The following POM121 variants were observed in gnomAD, a reference collection of about 807,000 sequenced individuals.
POM121 encodes the protein POM121 transmembrane nucleoporin, also known as nuclear envelope pore membrane protein POM 121.
POM121 carries 32 observed loss-of-function variants against 81.3 expected under a neutral mutation model. That is an observed-to-expected ratio of 0.39 (90% CI 0.30 to 0.53). The LOEUF is 0.53. Among genes scored for constraint, POM121 ranks in the 20% least tolerant of loss-of-function variants. The pLI is 0.66. For synonymous variants in POM121, 514 were observed against 694.2 expected, an observed-to-expected ratio of 0.74 and a Z score of 4.08; for missense variants, 1,138 against 1,614.6, an observed-to-expected ratio of 0.70 and a Z score of 5.06.
intron 11 of POM121, among the ~76,000 whole-genome samples, chr7:72,944,093 C>A (rs237932): frequency 1.3e-5 from 2 of 152,186 alleles, no homozygotes; most frequent in African/African-American, 2.4e-5. Context: ...AGTGGACATG[C>A]CTTTCAGGCC....
intron 3 of POM121, among the ~76,000 whole-genome samples, chr7:72,911,149 C>G (rs139552122): frequency 1.3e-3 from 193 of 152,220 alleles, no homozygotes; most frequent in Non-Finnish European, 1.6e-3. Flanking sequence ...ACGCCCAGCT[C>G]ATGTTTGTAT....
In POM121 at chr7:72,925,620, C is replaced by A. The variant is rs1303021848; in HGVS notation, c.499C>A (p.Pro167Thr). 2.3e-6 allele frequency: 3 copies of A among 1,326,874 alleles called. No individual in the cohort carries two copies. In the South Asian group the frequency reaches 6.4e-5, roughly 28 times the overall value. 82.2% of individuals were successfully genotyped at this position (1,326,874 alleles called of 1,614,324 possible). The change falls in exon 1 of 13, where the codon CCT becomes ACT. Residue 167 changes from proline (P) to threonine (T), a missense_variant. Physicochemically the swap from Pro to Thr is conservative, Grantham distance 38 (BLOSUM62 -1). Around this residue, in one of 7 missense-constraint regions of POM121, gnomAD observed 646 missense variants for 633.5 expected, o/e 1.02. Coordinates refer to ENST00000434423, the MANE Select transcript of POM121 (RefSeq NM_001387691.1). ...DLRDRPGRRPPARPAPRSPPP... is the reference protein window; with the variant it reads ...DLRDRPGRRPTARPAPRSPPP... ...GCGGGATAGGCCTGGCCGCCGCCCA[C>A]CTGCCCGCCCGGCGCCGCGCTCCCC...
intron 1 of POM121, among the ~76,000 whole-genome samples, chr7:72,887,719 C>T (rs769764244): frequency 1.3e-5 from 2 of 152,058 alleles, no homozygotes; most frequent in African/African-American, 4.8e-5. Flanking sequence ...CCCAGCTACT[C>T]GGGAGGCTGA....
downstream of POM121, chr7:72,948,774 C>T (rs782755392): frequency 9.5e-6 from 15 of 1,582,700 alleles, no homozygotes; most frequent in East Asian, 3.1e-4. Context: ...GTGCTCAGGC[C>T]TCGGTGGGGC....
At chr7:72,904,777 T>C (rs1163212373) in intron 3 of POM121, among the ~76,000 whole-genome samples, 3 of 152,182 alleles carry the variant, frequency 2.0e-5, no homozygotes, top group Non-Finnish European at 2.9e-5. Flanking sequence ...GTTTAATTGA[T>C]TCACAGTTCC....
rs1797688680 is a variant in POM121 at position 72,946,322 on chromosome 7, G to A, written c.*88G>A. The A allele has an allele frequency of 3.3e-6, 5 of 1,526,636 alleles. No individual in the cohort carries two copies. In the South Asian group the frequency reaches 5.0e-5, roughly 15 times the overall value. The allele number at this position is 1,526,636 out of a possible 1,614,324, so 94.6% of individuals were successfully genotyped here. ...GGAAGAGCCTTGGACCCTTCCAGTT[G>A]CGTAAAGCAAACCTACCCCGGATCT... On this transcript the variant is annotated 3_prime_UTR_variant, in exon 13 of 13. Coordinates refer to ENST00000434423, the MANE Select transcript of POM121 (RefSeq NM_001387691.1).
rs1468764356 is a variant in POM121, at chr7:72,948,137, T to C, written c.*1903T>C. 4.8e-5 allele frequency: 68 copies of C among 1,411,604 alleles called. No homozygotes were observed. The highest frequency in any genetic ancestry group is 4.7e-4 in the South Asian group (30 of 63,756). The allele number at this position is 1,411,604 out of a possible 1,614,324, so 87.4% of individuals were successfully genotyped here. On this transcript the variant is annotated 3_prime_UTR_variant, in exon 13 of 13. Coordinates refer to ENST00000434423, the MANE Select transcript of POM121 (RefSeq NM_001387691.1). Reference sequence around the variant, plus strand: ...TCCGGGAACCCTGAGTGAGAATGAGTGTGGATGTGTACAGTACACGCACTG... The same window carrying C: ...TCCGGGAACCCTGAGTGAGAATGAGCGTGGATGTGTACAGTACACGCACTG...
Position 72,926,792 on chromosome 7 carries a change from T to C in POM121, c.861-10T>C, listed in dbSNP as rs782442506. ...ATATCTTACAGCTAGAATCTTGTCTTTCATTGTAGACCAGAGCAGATAATC... is the reference window on the plus strand; with the variant it reads ...ATATCTTACAGCTAGAATCTTGTCTCTCATTGTAGACCAGAGCAGATAATC... On this transcript the variant is annotated splice_polypyrimidine_tract_variant and intron_variant, in intron 2 of 12. Transcript: ENST00000434423. 4.0e-5 allele frequency: 65 copies of C among 1,611,712 alleles called. No homozygotes were observed. The highest frequency in any genetic ancestry group is 5.0e-5 in the Non-Finnish European group (59 of 1,178,912).
At chr7:72,903,238 C>A (rs1342987928) in intron 3 of POM121, among the ~76,000 whole-genome samples, 1 of 152,140 alleles carries the variant, frequency 6.6e-6, no homozygotes, top group Non-Finnish European at 1.5e-5. Context: ...GAGTTCAAGA[C>A]CAGTCTGGCC....
intron 1 of POM121, among the ~76,000 whole-genome samples, chr7:72,880,530 A>G (rs1182437634): frequency 1.3e-5 from 2 of 151,968 alleles, no homozygotes; most frequent in Non-Finnish European, 2.9e-5. Context: ...CATTCATTTC[A>G]TTTCTGAGAG....
chr7:72,917,064 A>G (rs1554495195), intron 4 of POM121, among the ~76,000 whole-genome samples: 1 of 152,192 alleles, frequency 6.6e-6, no homozygotes, highest in African/African-American at 2.4e-5. Flanking sequence ...CATTTAGATG[A>G]TACTTCTCAT....
chr7:72,924,719 T>G, upstream of POM121: 4 of 179,588 alleles, frequency 2.2e-5, no homozygotes, highest in Non-Finnish European at 3.4e-5. Flanking sequence ...ACGTTTTCAA[T>G]TTGTAACATA....
chr7:72,918,060 T>C (rs1373326065), intron 4 of POM121, among the ~76,000 whole-genome samples: 1 of 152,202 alleles, frequency 6.6e-6, no homozygotes, highest in Non-Finnish European at 1.5e-5. Flanking sequence ...ACTAATTTAC[T>C]ACTGCTATCT....
In POM121 at chr7:72,925,380, C is replaced by A. The variant is rs1237934103; in HGVS notation, c.259C>A (p.Arg87Ser). The change falls in exon 1 of 13, where the codon CGT becomes AGT. Residue 87 changes from arginine to serine, a missense_variant. By Grantham distance (110) the Arg-to-Ser change is moderately radical. This residue lies in a region of POM121 where 646 missense variants were observed against 633.5 expected (regional missense o/e 1.02). Coordinates refer to ENST00000434423, the MANE Select transcript of POM121 (RefSeq NM_001387691.1). ...CTTGTCCTCCTTCGTTCGGAAGGCGCGTCATCGGCGCCCCTTGTCCTCCTT... is the reference window on the plus strand; with the variant it reads ...CTTGTCCTCCTTCGTTCGGAAGGCGAGTCATCGGCGCCCCTTGTCCTCCTT... ...RPLSSFVRKA[R>S]HRRPLSSFVR... 6.6e-7 allele frequency: 1 copy of A among 1,522,920 alleles called. No homozygotes were observed. The highest frequency in any genetic ancestry group is 1.4e-5 in the African/African-American group (1 of 72,762). 94.3% of individuals were successfully genotyped at this position (1,522,920 alleles called of 1,614,324 possible).
intron 4 of POM121, among the ~76,000 whole-genome samples, chr7:72,915,210 C>T (rs1239566284): frequency 6.6e-6 from 1 of 152,168 alleles, no homozygotes; most frequent in Non-Finnish European, 1.5e-5. Context: ...TGAGCTTCGG[C>T]TGCCCTCTAG....
chr7:72,911,107 C>T (rs112618075), intron 3 of POM121, among the ~76,000 whole-genome samples: 24 of 152,330 alleles, frequency 1.6e-4, no homozygotes, highest in African/African-American at 5.5e-4. Flanking sequence ...CCTCAGCCTC[C>T]CTAGTAGCTG....
chr7:72,940,075 TTTG>T (rs1796919270), intron 8 of POM121, 107 bp downstream of exon 8: 1 of 1,451,010 alleles, frequency 6.9e-7, no homozygotes, highest in Admixed American at 2.8e-5. Flanking sequence ...TATTTTTGTT[TTTG>T]TTTTTTGAGA....
At chr7:72,906,006 A>T (rs1269034088) in intron 3 of POM121, among the ~76,000 whole-genome samples, 1 of 151,848 alleles carries the variant, frequency 6.6e-6, no homozygotes, top group African/African-American at 2.4e-5. Context: ...GTCACCTGGG[A>T]TTGCTGGGTT....
chr7:72,948,488 T>C, downstream of POM121: 1 of 1,613,542 alleles, frequency 6.2e-7, no homozygotes, highest in Non-Finnish European at 8.5e-7. Context: ...GCCTCTGCTA[T>C]GTGCAAGGCG....
Sources: allele counts gnomAD v4.1 joint callset (sites outside exome capture counted in the v4.1 genomes callset), GRCh38; gene constraint gnomAD v4.1.1; regional missense constraint gnomAD v4.1.1; transcripts MANE v1.5; gene names NCBI Gene and HGNC (gene_info 2026-07-23, HGNC 2026-07-21).